The following SLC28A1 variants were observed in gnomAD, a reference collection of about 807,000 sequenced individuals.
SLC28A1 encodes solute carrier family 28 member 1.
In SLC28A1, 64 loss-of-function variants were observed where a neutral mutation model predicts 74.8. That is an observed-to-expected ratio of 0.86 (90% CI 0.70 to 1.05). SLC28A1 has a LOEUF of 1.05. Among genes scored for constraint, SLC28A1 ranks in the 50% least tolerant of loss-of-function variants. The pLI, the probability that SLC28A1 is intolerant of heterozygous loss-of-function variation, is 0.00. For synonymous variants in SLC28A1, 359 were observed against 335.0 expected (o/e 1.07, Z -0.78); for missense variants, 828 against 822.8 (o/e 1.01, Z -0.08).
chr15:84,917,040 A>T lies in SLC28A1; in HGVS notation c.796-1484A>T, dbSNP rs538274429. Among the ~76,000 whole-genome samples, 438 of 130,004 alleles carry T rather than the reference A, an allele frequency of 3.4e-3. 16 individuals carry two copies. The highest frequency in any genetic ancestry group is 0.011 in the African/African-American group (378 of 34,228). 85.3% of individuals were successfully genotyped at this position (130,004 alleles called of 152,430 possible). A position where few individuals can be genotyped will look rare whatever the true frequency, so the allele number is the denominator to read the frequency against. On this transcript the variant is annotated intron_variant, in intron 9 of 18. Transcript: ENST00000394573. ...GAGATTCTGTCTCAAAAAAAAAAAA[A>T]TAAATAAAAAAGGTAGGAACAGATG... is the stretch of plus-strand genomic sequence containing the variant.
the SLC28A1 span, among the ~76,000 whole-genome samples, chr15:84,960,048 A>G: frequency 0.092 from 14,004 of 151,980 alleles, 846 homozygotes; most frequent in African/African-American, 0.17. Flanking sequence ...GGGTCATGAT[A>G]TTTCTCCAGA....
intron 11 of SLC28A1, 28 bp from the exon 12 acceptor site, chr15:84,923,957 G>C (rs747913973): frequency 6.2e-7 from 1 of 1,613,948 alleles, no homozygotes; most frequent in East Asian, 2.2e-5. Context: ...CCCCCACCCT[G>C]CTTGTCTGAC....
chr15:84,916,239 A>AAAGGTGTGAG (rs2141879169), intron 9 of SLC28A1, among the ~76,000 whole-genome samples: 2 of 73,484 alleles, frequency 2.7e-5, no homozygotes, highest in South Asian at 8.1e-4. Flanking sequence ...TGCTGGGATT[A>AAAGGTGTGAG]CTTTTTTTTT....
chr15:84,969,828 A>G, the SLC28A1 span, among the ~76,000 whole-genome samples: 51 of 152,318 alleles, frequency 3.3e-4, no homozygotes, highest in Middle Eastern at 0.01. Context: ...TATGCCACAC[A>G]TGTATGGCAT....
At chr15:84,922,422 G>A (rs978303588) in intron 11 of SLC28A1, among the ~76,000 whole-genome samples, 3 of 152,042 alleles carry the variant, frequency 2.0e-5, no homozygotes, top group East Asian at 1.9e-4. Flanking sequence ...TGGTTCAGGC[G>A]GAGCTGGAAG....
the SLC28A1 span, among the ~76,000 whole-genome samples, chr15:84,968,265 G>A: frequency 1.3e-5 from 2 of 152,218 alleles, no homozygotes; most frequent in African/African-American, 4.8e-5. Flanking sequence ...CTTGATGGGT[G>A]TTGTGAGGGT....
chr15:84,906,386 G>A (rs1454720261), intron 8 of SLC28A1, among the ~76,000 whole-genome samples: 3 of 151,998 alleles, frequency 2.0e-5, no homozygotes, highest in Admixed American at 1.3e-4. Context: ...TGTGGATATG[G>A]CTCACTGCAG....
chr15:84,944,911 A>G (rs781139933), intron 18 of SLC28A1, 44 bp downstream of exon 18: 1 of 1,391,782 alleles, frequency 7.2e-7, no homozygotes, highest in South Asian at 1.2e-5. Flanking sequence ...CCACAGTGAT[A>G]GACAGAATGC....
chr15:84,924,913 TG>T (rs1407601456), intron 12 of SLC28A1, among the ~76,000 whole-genome samples: 4 of 149,136 alleles, frequency 2.7e-5, no homozygotes, highest in Admixed American at 6.7e-5. Flanking sequence ...TTTGTTTGTT[TG>T]TTTTTGAGAC....
Position 84,936,222 on chromosome 15 carries a change from C to T in SLC28A1, c.1581+704C>T, listed in dbSNP as rs151002799. The stretch of plus-strand genomic sequence containing the variant: ...CCTCCCAAAGTGCTGGGATTACAAG[C>T]GTGAGCCACTGCGCCCGGCTGTTTT... On this transcript the variant is annotated intron_variant, in intron 15 of 18. Transcript: ENST00000394573. Among the ~76,000 whole-genome samples, 112 of 148,714 alleles carry T rather than the reference C, an allele frequency of 7.5e-4. 2 individuals are homozygous for T. Among genetic ancestry groups the T allele is most frequent in the African/African-American group, 2.6e-3 (105 of 40,176 alleles).
Position 84,944,736 on chromosome 15 carries a change from C to T in SLC28A1, c.1763-20C>T, listed in dbSNP as rs202082527. The stretch of plus-strand genomic sequence containing the variant: ...GGCTAGCCCGGGGGCCCTGCCCCAC[C>T]CACCACTTTCCCTCTACAGGGATCC... On this transcript the variant is annotated intron_variant, in intron 17 of 18. Transcript: ENST00000394573. The T allele has an allele frequency of 2.1e-4, 339 of 1,607,898 alleles. No homozygotes were observed. In the African/African-American group the frequency reaches 4.0e-3, roughly 19 times the overall value.
chr15:84,896,838 G>C (rs1235211977), intron 6 of SLC28A1, among the ~76,000 whole-genome samples: 1 of 152,088 alleles, frequency 6.6e-6, no homozygotes, highest in East Asian at 1.9e-4. Flanking sequence ...GATAAACCTT[G>C]GGAACATCAT....
chr15:84,962,320 C>T, the SLC28A1 span, among the ~76,000 whole-genome samples: 39 of 152,050 alleles, frequency 2.6e-4, 1 homozygote, highest in South Asian at 6.0e-3. Flanking sequence ...GTGATCTTCC[C>T]TTCTCAGCCT....
the SLC28A1 span, among the ~76,000 whole-genome samples, chr15:84,959,120 A>G: frequency 1.4e-5 from 2 of 141,528 alleles, no homozygotes; most frequent in Non-Finnish European, 3.1e-5. Flanking sequence ...AAAAAAAAAA[A>G]AGAGATGAGG....
chr15:84,902,849 C>T (rs1966818362), intron 6 of SLC28A1, among the ~76,000 whole-genome samples: 1 of 151,912 alleles, frequency 6.6e-6, no homozygotes. Flanking sequence ...CCTGCCTCAG[C>T]CTCCCAAGTA....
At chr15:84,949,166 T>C (rs2142086583), downstream of SLC28A1, among the ~76,000 whole-genome samples, 1 of 152,288 alleles carries the variant, frequency 6.6e-6, no homozygotes, top group South Asian at 2.1e-4. Flanking sequence ...ACATAACACA[T>C]AGCAGGGTTT....
intron 9 of SLC28A1, among the ~76,000 whole-genome samples, chr15:84,915,127 G>A (rs2141871542): frequency 6.6e-6 from 1 of 152,282 alleles, no homozygotes; most frequent in African/African-American, 2.4e-5. Context: ...CTCAGTCCCA[G>A]GAGTGTGGGA....
chr15:84,904,351 A>G, intron 7 of SLC28A1, 113 bp downstream of exon 7: 1 of 1,489,914 alleles, frequency 6.7e-7, no homozygotes, highest in East Asian at 2.3e-5. Context: ...AGAGCCCTGG[A>G]GGCTCAGGGC....
At chr15:84,923,386 C>T (rs1346854012) in intron 11 of SLC28A1, among the ~76,000 whole-genome samples, 1 of 150,738 alleles carries the variant, frequency 6.6e-6, no homozygotes, top group Non-Finnish European at 1.5e-5. Flanking sequence ...GGATATAAGC[C>T]CTATGAAGGC....
Sources: gnomAD v4.1 joint callset for allele counts (sites outside exome capture counted in the v4.1 genomes callset) on GRCh38, gnomAD v4.1.1 for gene constraint, MANE v1.5 for transcripts, NCBI Gene and HGNC (gene_info 2026-07-23, HGNC 2026-07-21) for gene names.